The following RORA variants were observed in gnomAD, a reference collection of about 807,000 sequenced individuals.
RORA encodes nuclear receptor ROR-alpha.
In RORA, 7 loss-of-function variants were observed where a neutral mutation model predicts 69.5. The observed-to-expected ratio is 0.10, with a 90% CI of 0.06 to 0.19. The LOEUF is 0.19. Ranked by LOEUF, RORA falls within the 10% of genes least tolerant of loss-of-function variation. RORA has a pLI of 1.00. For synonymous variants in RORA, 261 were observed against 240.8 expected (o/e 1.08, Z -0.78); for missense variants, 457 against 663.0 (o/e 0.69, Z 3.41).
intron 2 of RORA, among the ~76,000 whole-genome samples, chr15:60,644,449 A>G (rs1356691821): frequency 6.6e-6 from 1 of 152,170 alleles, no homozygotes; most frequent in Non-Finnish European, 1.5e-5. Flanking sequence ...TATATTTTGA[A>G]ATGTCTCTTC....
At chr15:60,786,506 T>C (rs2072336010) in intron 1 of RORA, among the ~76,000 whole-genome samples, 1 of 152,134 alleles carries the variant, frequency 6.6e-6, no homozygotes. Flanking sequence ...GGGGGCACAG[T>C]CCAGGCAGGT....
chr15:60,725,239 C>A (rs895730104), intron 1 of RORA, among the ~76,000 whole-genome samples: 10 of 152,090 alleles, frequency 6.6e-5, no homozygotes, highest in Admixed American at 4.6e-4. Flanking sequence ...ATGCCAGCAC[C>A]CCTCTCTTTC....
chr15:60,500,656 C>A (rs963967887), intron 9 of RORA, among the ~76,000 whole-genome samples: 1 of 152,052 alleles, frequency 6.6e-6, no homozygotes, highest in Non-Finnish European at 1.5e-5. Context: ...GACAGGCAAC[C>A]CTATTCCACC....
intron 2 of RORA, among the ~76,000 whole-genome samples, chr15:60,587,480 T>C (rs1370401636): frequency 6.6e-6 from 1 of 152,192 alleles, no homozygotes; most frequent in Non-Finnish European, 1.5e-5. Context: ...TTGTAGTTCT[T>C]GTTTCACGTT....
At chr15:60,653,480 C>T (rs995781369) in intron 2 of RORA, among the ~76,000 whole-genome samples, 1 of 152,196 alleles carries the variant, frequency 6.6e-6, no homozygotes, top group Non-Finnish European at 1.5e-5. Flanking sequence ...GGGCTCCCGT[C>T]CTCACCCTCA....
At chr15:61,042,516 T>A (rs534014116) in intron 1 of RORA, among the ~76,000 whole-genome samples, 3 of 152,302 alleles carry the variant, frequency 2.0e-5, no homozygotes, top group South Asian at 2.1e-4. Context: ...CCCACCCTCC[T>A]CCCACCTCAA....
At chr15:61,119,083 G>GC (rs33919439) in intron 1 of RORA, among the ~76,000 whole-genome samples, 28 of 90,658 alleles carry the variant, frequency 3.1e-4, no homozygotes, top group Admixed American at 1.9e-3. Flanking sequence ...TTAACAGAAG[G>GC]GGGGGGGGGG....
intron 1 of RORA, chr15:60,682,007 T>G (rs2070649057): frequency 6.6e-6 from 1 of 152,230 alleles, no homozygotes; most frequent in Non-Finnish European, 1.5e-5. Context: ...TAACTAGATC[T>G]GGAGTCAAGC....
At chr15:60,753,561 G>A (rs1251838080) in intron 1 of RORA, among the ~76,000 whole-genome samples, 2 of 152,228 alleles carry the variant, frequency 1.3e-5, no homozygotes, top group Non-Finnish European at 2.9e-5. Context: ...CCATGCATGC[G>A]TAGGTATCTC....
rs1046520197 is a variant in RORA, at chr15:60,894,274, T to C, written c.167-215588A>G. Reference sequence around the variant, plus strand: ...TTAAAGCAGGCGGCTTTCAAAAAAGTATCAAGAATAATTTAAAATGCAATA... The same window carrying C: ...TTAAAGCAGGCGGCTTTCAAAAAAGCATCAAGAATAATTTAAAATGCAATA... On this transcript the variant is annotated intron_variant, in intron 1 of 10. Transcript: ENST00000335670. Among the ~76,000 whole-genome samples, 4 of 152,220 alleles carry C rather than the reference T, an allele frequency of 2.6e-5. No homozygotes were observed. In the South Asian group the frequency reaches 8.3e-4, roughly 32 times the overall value.
intron 1 of RORA, among the ~76,000 whole-genome samples, chr15:61,000,530 G>A (rs574776565): frequency 1.3e-5 from 2 of 152,308 alleles, no homozygotes; most frequent in South Asian, 4.2e-4. Context: ...GGGAGAGCAG[G>A]GAGAGGTGGT....
intron 2 of RORA, among the ~76,000 whole-genome samples, chr15:60,671,863 C>T (rs528987551): frequency 1.1e-4 from 17 of 152,030 alleles, no homozygotes; most frequent in African/African-American, 3.6e-4. Flanking sequence ...CTGCCTGCCT[C>T]GGCCTCCCAA....
chr15:61,008,241 GTGTA>G (rs1391171515), intron 1 of RORA, among the ~76,000 whole-genome samples: 2 of 134,038 alleles, frequency 1.5e-5, no homozygotes, highest in Non-Finnish European at 3.3e-5. Flanking sequence ...GTGTGTGTGT[GTGTA>G]GTAAATGAAC....
At chr15:61,027,751 G>A (rs1272511312) in intron 1 of RORA, among the ~76,000 whole-genome samples, 1 of 152,140 alleles carries the variant, frequency 6.6e-6, no homozygotes, top group Non-Finnish European at 1.5e-5. Context: ...TAAAACTATG[G>A]TGGTTAACAT....
At chr15:60,781,013 G>A (rs1380934028) in intron 1 of RORA, among the ~76,000 whole-genome samples, 1 of 152,112 alleles carries the variant, frequency 6.6e-6, no homozygotes, top group Non-Finnish European at 1.5e-5. Context: ...TTCACAGATG[G>A]GGAACTAAGA....
intron 1 of RORA, among the ~76,000 whole-genome samples, chr15:60,872,952 G>A (rs189664037): frequency 3.3e-5 from 5 of 152,016 alleles, no homozygotes; most frequent in South Asian, 2.1e-4. Context: ...CCTCACCAGC[G>A]CAATCCCTAC....
Position 60,669,391 on chromosome 15 carries a change from C to T in RORA, c.196+9266G>A, listed in dbSNP as rs114725421. Among the ~76,000 whole-genome samples, 83 of 150,420 alleles carry T rather than the reference C, an allele frequency of 5.5e-4. 1 individual carries two copies. The highest frequency in any genetic ancestry group is 1.9e-3 in the African/African-American group (79 of 41,210). ...TGTTTGTTTTTTTAACGTAGTTGGT[C>T]ACAGGAGCACACACAGAAGTAGTTC... is the stretch of plus-strand genomic sequence containing the variant. On this transcript the variant is annotated intron_variant, in intron 2 of 10. Coordinates refer to ENST00000335670, the MANE Select transcript of RORA (RefSeq NM_134261.3).
chr15:61,043,790 T>C (rs1214390419), intron 1 of RORA, among the ~76,000 whole-genome samples: 1 of 152,148 alleles, frequency 6.6e-6, no homozygotes, highest in Non-Finnish European at 1.5e-5. Flanking sequence ...TATTTTTTTT[T>C]AATGTCCCCA....
chr15:60,760,853 C>A (rs2071875137), intron 1 of RORA, among the ~76,000 whole-genome samples: 1 of 150,226 alleles, frequency 6.7e-6, no homozygotes, highest in Non-Finnish European at 1.5e-5. Flanking sequence ...TGCAGACAGA[C>A]ACACACACAC....
Sources: allele counts gnomAD v4.1 joint callset (sites outside exome capture counted in the v4.1 genomes callset), GRCh38; gene constraint gnomAD v4.1.1; transcripts MANE v1.5; gene names NCBI Gene and HGNC (gene_info 2026-07-23, HGNC 2026-07-21).